ZC3H13: variants seen among roughly 807,000 people sequenced by gnomAD.
ZC3H13 encodes zinc finger CCCH-type containing 13.
ZC3H13 carries 64 observed loss-of-function variants against 204.1 expected under a neutral mutation model. The observed-to-expected ratio is 0.31, with a 90% confidence interval of 0.26 to 0.39. The LOEUF (loss-of-function observed/expected upper bound fraction) is 0.39, where lower values mean the gene tolerates loss of function less well. Ranked by LOEUF, ZC3H13 falls within the 10% of genes least tolerant of loss-of-function variation. The pLI, the probability that ZC3H13 is intolerant of heterozygous loss-of-function variation, is 1.00. For synonymous variants in ZC3H13, 667 were observed against 693.7 expected (o/e 0.96, Z 0.60); for missense variants, 1,833 against 2,082.7 (o/e 0.88, Z 2.33).
rs997727217 is a variant in ZC3H13 at position 46,015,477 on chromosome 13, C to G, written c.449-3923G>C. ...TCTGCATTTAGTTACACAGAAACTC[C>G]TAGTTTTATGTAATCAAATGTTTGT... On this transcript the variant is annotated intron_variant, in intron 5 of 18. Coordinates refer to ENST00000679008, the MANE Select transcript of ZC3H13 (RefSeq NM_001330564.2). Among the ~76,000 whole-genome samples, 4 of 152,110 alleles carry G rather than the reference C, an allele frequency of 2.6e-5. 1 individual carries two copies. The highest frequency in any genetic ancestry group is 5.9e-5 in the Non-Finnish European group (4 of 67,988).
intron 5 of ZC3H13, among the ~76,000 whole-genome samples, chr13:46,017,599 T>A (rs2041989237): frequency 6.6e-6 from 1 of 152,142 alleles, no homozygotes; most frequent in Non-Finnish European, 1.5e-5. Context: ...AAAAATTTTC[T>A]CAGGTTCATA....
At chr13:46,026,511 C>T (rs927473006) in intron 4 of ZC3H13, among the ~76,000 whole-genome samples, 11 of 151,824 alleles carry the variant, frequency 7.2e-5, no homozygotes, top group African/African-American at 2.7e-4. Flanking sequence ...AGAAAATACA[C>T]CTTTTTTTTA....
chr13:46,027,058 T>C (rs2042583852), intron 4 of ZC3H13, among the ~76,000 whole-genome samples: 1 of 152,004 alleles, frequency 6.6e-6, no homozygotes, highest in African/African-American at 2.4e-5. Flanking sequence ...AGTAAAAGTA[T>C]CTCTAAGAAC....
intron 4 of ZC3H13, among the ~76,000 whole-genome samples, chr13:46,031,753 T>A (rs1011574542): frequency 2.6e-5 from 4 of 152,108 alleles, no homozygotes; most frequent in Non-Finnish European, 4.4e-5. Context: ...ATCTGAATAG[T>A]CAAAATTCAA....
chr13:46,034,856 G>A (rs189712128), intron 4 of ZC3H13, among the ~76,000 whole-genome samples: 43 of 152,268 alleles, frequency 2.8e-4, no homozygotes, highest in Admixed American at 2.2e-3. Context: ...TACAGTTAGA[G>A]AAATCAGTAA....
intron 10 of ZC3H13, among the ~76,000 whole-genome samples, chr13:45,982,431 G>C (rs1398504153): frequency 6.6e-6 from 1 of 151,944 alleles, no homozygotes; most frequent in African/African-American, 2.4e-5. Context: ...TGAAAAATTT[G>C]AAAGTTAAGA....
chr13:46,025,027 T>G (rs1031950275), intron 4 of ZC3H13, among the ~76,000 whole-genome samples: 2 of 152,212 alleles, frequency 1.3e-5, no homozygotes, highest in Non-Finnish European at 2.9e-5. Context: ...TTGGAGAAAT[T>G]TCCTTTGAAG....
chr13:46,039,896 CATA>C (rs1463133623), intron 4 of ZC3H13, among the ~76,000 whole-genome samples: 1 of 152,180 alleles, frequency 6.6e-6, no homozygotes, highest in Non-Finnish European at 1.5e-5. Flanking sequence ...GGAGTATTTA[CATA>C]AAAGAAGGGG....
chr13:46,024,024 G>T (rs1038048515), intron 4 of ZC3H13, among the ~76,000 whole-genome samples: 1 of 152,154 alleles, frequency 6.6e-6, no homozygotes, highest in African/African-American at 2.4e-5. Context: ...TGAATCAATT[G>T]AATTAGCAAG....
In ZC3H13 at chr13:45,967,541, T is replaced by C. The variant is rs1420610698; in HGVS notation, c.4284A>G (p.Glu1428=). ...CAGTTCTCTCGGATTTATTTGTTTCTTCAAATCCCTGCACAGATCCCAGAT... is the reference window on the plus strand; with the variant it reads ...CAGTTCTCTCGGATTTATTTGTTTCCTCAAATCCCTGCACAGATCCCAGAT... ...DKDLGSVQGF[E]ETNKSERTES... Residue 1428 remains glutamate (E), a synonymous_variant, in exon 15 of 19, where the codon GAA becomes GAG. Coordinates refer to ENST00000679008, the MANE Select transcript of ZC3H13 (RefSeq NM_001330564.2). The C allele has an allele frequency of 6.3e-7, 1 of 1,584,476 alleles. No individual in the cohort carries two copies. The highest frequency in any genetic ancestry group is 1.9e-5 in the Admixed American group (1 of 53,986).
chr13:46,029,638 C>A (rs1468263935), intron 4 of ZC3H13, among the ~76,000 whole-genome samples: 1 of 151,670 alleles, frequency 6.6e-6, no homozygotes, highest in African/African-American at 2.4e-5. Flanking sequence ...CCGTGTTAGC[C>A]AGGATGGTCT....
intron 5 of ZC3H13, among the ~76,000 whole-genome samples, chr13:46,016,215 G>A (rs551724719): frequency 2.6e-5 from 4 of 152,060 alleles, no homozygotes; most frequent in African/African-American, 7.2e-5. Flanking sequence ...ATTCCACTTC[G>A]AACCATAAAC....
At chr13:46,051,076 A>G (rs1328720069) in intron 1 of ZC3H13, among the ~76,000 whole-genome samples, 1 of 152,158 alleles carries the variant, frequency 6.6e-6, no homozygotes, top group Non-Finnish European at 1.5e-5. Context: ...TAAGTTAAAC[A>G]ATGTGTTTCC....
At chr13:45,991,056 C>T (rs1319680063) in intron 8 of ZC3H13, among the ~76,000 whole-genome samples, 1 of 152,184 alleles carries the variant, frequency 6.6e-6, no homozygotes, top group African/African-American at 2.4e-5. Flanking sequence ...CCTGCCTCAG[C>T]CTCCTAAAGT....
At chr13:46,018,624 G>A (rs1389469812) in intron 5 of ZC3H13, among the ~76,000 whole-genome samples, 1 of 152,004 alleles carries the variant, frequency 6.6e-6, no homozygotes, top group Admixed American at 6.6e-5. Flanking sequence ...AGGAAGTTGA[G>A]GGAATTCCTA....
At position 46,032,627 on chromosome 13, in the gene ZC3H13, A is replaced by G. The variant is rs114366621; in HGVS notation, c.339+9537T>C. Among the ~76,000 whole-genome samples, 667 of 152,302 alleles carry G rather than the reference A, an allele frequency of 4.4e-3. 6 individuals carry two copies. Among genetic ancestry groups the G allele is most frequent in the African/African-American group, 0.015 (639 of 41,578 alleles). The stretch of plus-strand genomic sequence containing the variant: ...TATGTAGGCATTTACCCTTTGACAC[A>G]GCAATTCCATTTCTAGAGATTTATA... On this transcript the variant is annotated intron_variant, in intron 4 of 18. Transcript: ENST00000679008.
At position 45,967,904 on chromosome 13, in the gene ZC3H13, G is replaced by A. The variant is rs1299670148; in HGVS notation, c.3921C>T (p.His1307=). ...TCCTCTCTCTCTCGCGCTCTCTGTCGTGTTCATATCGATCTCGTTCTTGAA... is the reference window on the plus strand; with the variant it reads ...TCCTCTCTCTCTCGCGCTCTCTGTCATGTTCATATCGATCTCGTTCTTGAA... ...DRLQERDRYE[H]DRERERERRD... is the part of the protein sequence containing the mutation. The change falls in exon 15 of 19, where the codon CAC becomes CAT. Residue 1307 remains histidine (H), a synonymous_variant. Coordinates refer to ENST00000679008, the MANE Select transcript of ZC3H13 (RefSeq NM_001330564.2). 15 of 1,613,536 alleles carry A rather than the reference G, an allele frequency of 9.3e-6. No homozygotes were observed. The highest frequency in any genetic ancestry group is 5.5e-5 in the South Asian group (5 of 91,072).
chr13:46,012,244 A>G (rs2041614236), intron 5 of ZC3H13, among the ~76,000 whole-genome samples: 2 of 152,164 alleles, frequency 1.3e-5, no homozygotes, highest in Admixed American at 6.5e-5. Flanking sequence ...TAAAAAATCA[A>G]GAGTGGTGTG....
Position 46,027,788 on chromosome 13 carries a change from C to T in ZC3H13, c.340-7231G>A, listed in dbSNP as rs553526941. Among the ~76,000 whole-genome samples, 4 of 151,884 alleles carry T rather than the reference C, an allele frequency of 2.6e-5. No homozygotes were observed. In the South Asian group the frequency reaches 8.3e-4, roughly 32 times the overall value. On this transcript the variant is annotated intron_variant, in intron 4 of 18. Coordinates refer to ENST00000679008, the MANE Select transcript of ZC3H13 (RefSeq NM_001330564.2). ...TACATTGTAAACTCTAGGGTAACCA[C>T]CAAAAAAAGTAGAAAGAAGTATAAT...
Sources: allele counts gnomAD v4.1 joint callset (sites outside exome capture counted in the v4.1 genomes callset), GRCh38; gene constraint gnomAD v4.1.1; transcripts MANE v1.5; gene names NCBI Gene and HGNC (gene_info 2026-07-23, HGNC 2026-07-21).